GALNT18: variants seen among roughly 807,000 people sequenced by gnomAD.
GALNT18 encodes the protein GalNAc-transferase 18.
A neutral mutation model predicts 69.5 loss-of-function variants in GALNT18; 44 were observed. The ratio of observed to expected loss-of-function variants is 0.63; its 90% CI spans 0.50 to 0.81. GALNT18 has a LOEUF of 0.81. GALNT18 is among the 40% of genes least tolerant of loss of function. The pLI, the probability that GALNT18 is intolerant of heterozygous loss-of-function variation, is 0.00. For synonymous variants in GALNT18, 364 were observed against 318.2 expected, an observed-to-expected ratio of 1.14 and a Z score of -1.53; for missense variants, 715 against 810.0, an observed-to-expected ratio of 0.88 and a Z score of 1.42.
At chr11:11,410,805 G>C (rs1469484704) in intron 3 of GALNT18, among the ~76,000 whole-genome samples, 1 of 151,682 alleles carries the variant, frequency 6.6e-6, no homozygotes. Context: ...GCAGCCCTTG[G>C]TGCTTCAAGT....
At chr11:11,539,881 T>C (rs148073827) in intron 1 of GALNT18, among the ~76,000 whole-genome samples, 2 of 152,182 alleles carry the variant, frequency 1.3e-5, no homozygotes, top group Non-Finnish European at 2.9e-5. Context: ...TCTCAGACAA[T>C]AAAGGAACTC....
intron 9 of GALNT18, among the ~76,000 whole-genome samples, chr11:11,303,885 A>G (rs1308137898): frequency 6.6e-6 from 1 of 152,126 alleles, no homozygotes; most frequent in Non-Finnish European, 1.5e-5. Flanking sequence ...CCTCGCTTTG[A>G]CCCTCAGGAA....
At chr11:11,401,619 T>C (rs1264082513) in intron 3 of GALNT18, among the ~76,000 whole-genome samples, 1 of 152,256 alleles carries the variant, frequency 6.6e-6, no homozygotes, top group African/African-American at 2.4e-5. Context: ...GCCCCTTCTG[T>C]TGCTCTGATC....
At position 11,563,119 on chromosome 11, in the gene GALNT18, C is replaced by A. The variant is rs575198783; in HGVS notation, c.235+58240G>T. On this transcript the variant is annotated intron_variant, in intron 1 of 10. Transcript: ENST00000227756. The surrounding 1 kb of genome is among the most constrained non-coding windows in gnomAD (Gnocchi z 4.6). ...GCCCAGGAGGTGACCCCCCACCACA[C>A]CCCACAGAGTGCCCTCAAACAGTGG... Among the ~76,000 whole-genome samples the A allele has an allele frequency of 5.3e-5, 8 of 152,308 alleles. No homozygotes were observed. The highest frequency in any genetic ancestry group is 1.0e-4 in the Non-Finnish European group (7 of 68,038).
chr11:11,506,459 G>A (rs891845106), intron 1 of GALNT18, among the ~76,000 whole-genome samples: 1 of 152,176 alleles, frequency 6.6e-6, no homozygotes, highest in Non-Finnish European at 1.5e-5. Context: ...CTATGAGGGG[G>A]ACAAGGAAAA....
intron 10 of GALNT18, 58 bp downstream of exon 10, chr11:11,292,971 G>C: frequency 7.5e-7 from 1 of 1,326,480 alleles, no homozygotes; most frequent in Non-Finnish European, 9.8e-7. Context: ...GGCCCCTGAG[G>C]CCACTCTCCT....
chr11:11,574,139 T>C (rs950850979), intron 1 of GALNT18, among the ~76,000 whole-genome samples: 7 of 152,196 alleles, frequency 4.6e-5, no homozygotes, highest in African/African-American at 1.7e-4. Flanking sequence ...GGGTACATAC[T>C]GCCTCATAAG....
At chr11:11,363,042 A>T (rs1850679522) in intron 6 of GALNT18, among the ~76,000 whole-genome samples, 1 of 152,188 alleles carries the variant, frequency 6.6e-6, no homozygotes, top group African/African-American at 2.4e-5. Context: ...TGAGATAATA[A>T]AAATGTGCAT....
chr11:11,597,002 T>C (rs1257898093), intron 1 of GALNT18, among the ~76,000 whole-genome samples: 1 of 152,212 alleles, frequency 6.6e-6, no homozygotes, highest in African/African-American at 2.4e-5. Context: ...TTGAGTGTTT[T>C]CATCCAGAAA....
intron 5 of GALNT18, among the ~76,000 whole-genome samples, chr11:11,373,803 T>C (rs12421800): frequency 0.097 from 14,733 of 152,296 alleles, 809 homozygotes; most frequent in Non-Finnish European, 0.13. Flanking sequence ...GCCCTGCTTA[T>C]GCAGTGACGT....
intron 9 of GALNT18, among the ~76,000 whole-genome samples, chr11:11,305,738 A>G (rs1423770457): frequency 6.6e-6 from 1 of 152,222 alleles, no homozygotes; most frequent in African/African-American, 2.4e-5. Flanking sequence ...ATGCGACTGT[A>G]ACAGCAGTCA....
In GALNT18 at chr11:11,415,344, G is replaced by A. The variant is rs1342412296; in HGVS notation, c.595+17277C>T. ...CCCAGGAATCAGGGCTGGGAAGGGT[G>A]GGGGATGACTTAGAATTCTGCCCAC... On this transcript the variant is annotated intron_variant, in intron 3 of 10. Transcript: ENST00000227756. The surrounding 1 kb of genome is among the most constrained non-coding windows in gnomAD (Gnocchi z 4.1). Among the ~76,000 whole-genome samples the A allele has an allele frequency of 6.6e-6, 1 of 152,106 alleles. No individual in the cohort carries two copies. Among genetic ancestry groups the A allele is most frequent in the Non-Finnish European group, 1.5e-5 (1 of 68,020 alleles).
In GALNT18 at chr11:11,309,563, T is replaced by G. The variant is rs1378065713; in HGVS notation, c.1513-16370A>C. ...TTACACCCTGTAAACCCCACCTCTA[T>G]AGCCTTGTTCACCTTCTCCACACCT... On this transcript the variant is annotated intron_variant, in intron 9 of 10. Coordinates refer to ENST00000227756, the MANE Select transcript of GALNT18 (RefSeq NM_198516.3). The surrounding 1 kb of genome is among the most constrained non-coding windows in gnomAD (Gnocchi z 4.6). 6.6e-6 allele frequency among the ~76,000 whole-genome samples: 1 copy of G among 152,136 alleles called. No homozygotes were observed. The highest frequency in any genetic ancestry group is 1.5e-5 in the Non-Finnish European group (1 of 68,036).
intron 6 of GALNT18, among the ~76,000 whole-genome samples, chr11:11,371,568 C>T (rs998351842): frequency 9.2e-5 from 14 of 151,956 alleles, no homozygotes; most frequent in African/African-American, 1.9e-4. Context: ...CTCCAAGCAT[C>T]GGCAAGCCTG....
intron 6 of GALNT18, among the ~76,000 whole-genome samples, chr11:11,363,181 G>A (rs564202297): frequency 3.6e-3 from 553 of 152,262 alleles, no homozygotes; most frequent in African/African-American, 0.013. Context: ...ACAGGATGAA[G>A]AGAACAACGC....
chr11:11,409,337 G>A (rs1275157945), intron 3 of GALNT18, among the ~76,000 whole-genome samples: 1 of 152,130 alleles, frequency 6.6e-6, no homozygotes, highest in East Asian at 1.9e-4. Flanking sequence ...CTGTATCCCT[G>A]TCCTCCCACA....
chr11:11,286,234 A>C (rs936589834), intron 10 of GALNT18, among the ~76,000 whole-genome samples: 3 of 152,246 alleles, frequency 2.0e-5, no homozygotes, highest in African/African-American at 7.2e-5. Flanking sequence ...AAAAATACTC[A>C]TTTAAATTTG....
chr11:11,515,802 C>T (rs188321754), intron 1 of GALNT18, among the ~76,000 whole-genome samples: 156 of 152,270 alleles, frequency 1.0e-3, no homozygotes, highest in Middle Eastern at 3.4e-3. Flanking sequence ...CAGAGCCCCT[C>T]GTGGGAGCAG....
At chr11:11,521,434 G>T (rs1182935500) in intron 1 of GALNT18, among the ~76,000 whole-genome samples, 1 of 152,036 alleles carries the variant, frequency 6.6e-6, no homozygotes, top group African/African-American at 2.4e-5. Flanking sequence ...TTTAATCCAA[G>T]TCAGTGACTC....
Sources: allele counts gnomAD v4.1 joint callset (sites outside exome capture counted in the v4.1 genomes callset), GRCh38; gene constraint gnomAD v4.1.1; non-coding constraint Gnocchi (gnomAD v3.1); transcripts MANE v1.5; gene names NCBI Gene and HGNC (gene_info 2026-07-23, HGNC 2026-07-21).